CADPS2: variants seen among roughly 807,000 people sequenced by gnomAD.
CADPS2 encodes the protein calcium-dependent secretion activator 2.
Under a neutral mutation model 172.5 loss-of-function variants are expected in CADPS2, and 93 were observed. The observed-to-expected ratio is 0.54, with a 90% confidence interval of 0.46 to 0.64. The LOEUF (loss-of-function observed/expected upper bound fraction) is 0.64. CADPS2 is among the 30% of genes least tolerant of loss of function. The probability of loss-of-function intolerance (pLI) is 0.00; values close to 1 mark genes in which losing one functional copy is unlikely to be tolerated. For synonymous variants in CADPS2, 546 were observed against 555.2 expected (o/e 0.98, Z 0.23); for missense variants, 1,420 against 1,565.9 (o/e 0.91, Z 1.57).
chr7:122,493,886 C>T (rs1268338180), intron 9 of CADPS2, among the ~76,000 whole-genome samples: 1 of 151,948 alleles, frequency 6.6e-6, no homozygotes, highest in Non-Finnish European at 1.5e-5. Context: ...TGCTGTTTTT[C>T]TAATATATCA....
At chr7:122,569,666 A>G (rs2066943739) in intron 7 of CADPS2, among the ~76,000 whole-genome samples, 2 of 142,862 alleles carry the variant, frequency 1.4e-5, no homozygotes, top group South Asian at 2.2e-4. Flanking sequence ...ACAGCATGGT[A>G]CTGGTACCAA....
chr7:122,330,852 T>C (rs2034811807), intron 28 of CADPS2: 1 of 152,212 alleles, frequency 6.6e-6, no homozygotes, highest in South Asian at 2.1e-4. Context: ...GCCCCATTTA[T>C]GCTACTATTT....
intron 25 of CADPS2, among the ~76,000 whole-genome samples, chr7:122,374,137 T>C (rs142892736): frequency 0.015 from 2,325 of 152,050 alleles, 31 homozygotes; most frequent in Non-Finnish European, 0.024. Context: ...ATTAATAGAA[T>C]GAAGGATAAA....
chr7:122,808,567 GGAAGTT>G (rs1439207256), intron 1 of CADPS2, among the ~76,000 whole-genome samples: 1 of 152,152 alleles, frequency 6.6e-6, no homozygotes, highest in Non-Finnish European at 1.5e-5. Flanking sequence ...TTTGAGGCAA[GGAAGTT>G]AGATGTCAAA....
chr7:122,441,463 C>T, intron 16 of CADPS2, 49 bp downstream of exon 16: 1 of 1,259,220 alleles, frequency 7.9e-7, no homozygotes, highest in South Asian at 1.5e-5. Context: ...CTAAAATACA[C>T]AGCAACTGAG....
chr7:122,501,924 A>G (rs2059240663), intron 9 of CADPS2, among the ~76,000 whole-genome samples: 1 of 151,140 alleles, frequency 6.6e-6, no homozygotes, highest in Non-Finnish European at 1.5e-5. Flanking sequence ...CCTTGAGTCT[A>G]GAACACAACT....
intron 1 of CADPS2, among the ~76,000 whole-genome samples, chr7:122,755,196 G>A (rs1319514998): frequency 1.3e-5 from 2 of 152,134 alleles, no homozygotes; most frequent in Non-Finnish European, 2.9e-5. Flanking sequence ...CAGTCTACAT[G>A]TCTTGTTTTG....
At chr7:122,866,856 C>T (rs921238107) in intron 1 of CADPS2, among the ~76,000 whole-genome samples, 13 of 152,138 alleles carry the variant, frequency 8.5e-5, no homozygotes, top group African/African-American at 1.2e-4. Flanking sequence ...AAATTCCGAA[C>T]ATCTTACCAC....
At chr7:122,792,093 G>A (rs1355936402) in intron 1 of CADPS2, among the ~76,000 whole-genome samples, 3 of 152,142 alleles carry the variant, frequency 2.0e-5, no homozygotes, top group African/African-American at 7.2e-5. Flanking sequence ...CTTGTACCAA[G>A]CAAAATGTGT....
chr7:122,885,967 G>GGT, intron 1 of CADPS2, 32 bp downstream of exon 1: 1 of 1,584,216 alleles, frequency 6.3e-7, no homozygotes, highest in Non-Finnish European at 8.6e-7. Flanking sequence ...AGGGAGAAGT[G>GGT]GTGGTAGGAG....
intron 15 of CADPS2, among the ~76,000 whole-genome samples, chr7:122,450,020 A>G (rs2052842492): frequency 6.6e-6 from 1 of 152,232 alleles, no homozygotes; most frequent in Non-Finnish European, 1.5e-5. Flanking sequence ...TCATTTAAAA[A>G]AATCACAGAG....
intron 17 of CADPS2, among the ~76,000 whole-genome samples, chr7:122,430,050 T>C (rs898514358): frequency 6.6e-6 from 1 of 152,094 alleles, no homozygotes; most frequent in African/African-American, 2.4e-5. Flanking sequence ...ACTTCTCCTC[T>C]CAAAGACAGT....
intron 1 of CADPS2, among the ~76,000 whole-genome samples, chr7:122,880,742 TTC>T (rs1404772044): frequency 6.6e-6 from 1 of 152,188 alleles, no homozygotes; most frequent in African/African-American, 2.4e-5. Flanking sequence ...AGAATCGCAC[TTC>T]TTTTTCCTTA....
At chr7:122,589,372 T>A (rs1219568879) in intron 6 of CADPS2, among the ~76,000 whole-genome samples, 2 of 151,998 alleles carry the variant, frequency 1.3e-5, no homozygotes, top group African/African-American at 4.8e-5. Context: ...AAAAGACTTA[T>A]AAAACAATGT....
intron 28 of CADPS2, among the ~76,000 whole-genome samples, chr7:122,340,514 A>G (rs1167868025): frequency 2.6e-5 from 4 of 152,172 alleles, no homozygotes; most frequent in Non-Finnish European, 5.9e-5. Flanking sequence ...ACATTCTTGG[A>G]CCTTAGAAAA....
At chr7:122,774,283 C>T (rs1392545114) in intron 1 of CADPS2, among the ~76,000 whole-genome samples, 3 of 149,876 alleles carry the variant, frequency 2.0e-5, no homozygotes, top group African/African-American at 7.4e-5. Context: ...CACACACACA[C>T]ACACACACAC....
intron 8 of CADPS2, among the ~76,000 whole-genome samples, chr7:122,545,927 T>C (rs1316995613): frequency 6.6e-6 from 1 of 152,168 alleles, no homozygotes; most frequent in Admixed American, 6.6e-5. Context: ...GAAGTATTAA[T>C]ATTGATACGT....
intron 1 of CADPS2, among the ~76,000 whole-genome samples, chr7:122,878,139 C>G (rs928696673): frequency 6.6e-6 from 1 of 151,376 alleles, no homozygotes; most frequent in African/African-American, 2.4e-5. Context: ...GCCTGTAATC[C>G]CAGCTAGCTA....
intron 3 of CADPS2, among the ~76,000 whole-genome samples, chr7:122,648,628 G>A (rs760102141): frequency 2.0e-5 from 3 of 152,098 alleles, no homozygotes; most frequent in African/African-American, 2.4e-5. Context: ...AGCTCCAGCA[G>A]GTAAACACTG....
Sources: allele counts gnomAD v4.1 joint callset (sites outside exome capture counted in the v4.1 genomes callset), GRCh38; gene constraint gnomAD v4.1.1; transcripts MANE v1.5; gene names NCBI Gene and HGNC (gene_info 2026-07-23, HGNC 2026-07-21).